Variants in ABCG5 observed in about 807,000 individuals in gnomAD.
ABCG5 encodes the protein ATP binding cassette subfamily G member 5.
In ABCG5, 64 loss-of-function variants were observed where a neutral mutation model predicts 64.5. The observed-to-expected ratio is 0.99, with a 90% CI of 0.81 to 1.22. The LOEUF is 1.22. ABCG5 is among the 50% of genes most tolerant of loss of function. ABCG5 has a pLI of 0.00. For missense variants in ABCG5, 908 were observed against 829.5 expected (o/e 1.09, Z -1.16); for synonymous variants, 385 against 326.3 (o/e 1.18, Z -1.94).
intron 2 of ABCG5, 120 bp from the exon 3 acceptor site, chr2:43,832,203 G>A: frequency 7.2e-7 from 1 of 1,383,030 alleles, no homozygotes; most frequent in Non-Finnish European, 1.0e-6. Flanking sequence ...GACGGACCCT[G>A]TTCTAGGTGT....
chr2:43,839,053 C>A, upstream of ABCG5: 1 of 1,550,994 alleles, frequency 6.4e-7, no homozygotes, highest in Non-Finnish European at 8.7e-7. Flanking sequence ...CTGTGGGCCC[C>A]ATGGCCGGGA....
rs570573150 is a variant in ABCG5, at chr2:43,819,179, G to A, written c.1649+736C>T. ...GAAACAGCCTTCATGTTTCCTTGGG[G>A]ACCCAGAGATTACTTACTAGATCCC... On this transcript the variant is annotated intron_variant, in intron 11 of 12. Transcript: ENST00000405322. Among the ~76,000 whole-genome samples the A allele has an allele frequency of 4.9e-4, 75 of 151,876 alleles. No individual in the cohort carries two copies. The South Asian group carries it at 0.015, about 30-fold the overall frequency.
At chr2:43,831,370 G>T (rs1244856532) in intron 4 of ABCG5, among the ~76,000 whole-genome samples, 1 of 151,958 alleles carries the variant, frequency 6.6e-6, no homozygotes, top group African/African-American at 2.4e-5. Flanking sequence ...ACTGAGTCTC[G>T]CTATGTTGCC....
At position 43,813,023 on chromosome 2, in the gene ABCG5, A is replaced by G; in HGVS notation, c.*93T>C. The G allele has an allele frequency of 1.4e-6, 1 of 731,436 alleles. No homozygotes were observed. The highest frequency in any genetic ancestry group is 2.5e-6 in the Non-Finnish European group (1 of 393,646). The allele number at this position is 731,436 out of a possible 1,614,324, so 45.3% of individuals were successfully genotyped here. On this transcript the variant is annotated 3_prime_UTR_variant, in exon 13 of 13. Transcript: ENST00000405322. Reference sequence around the variant, plus strand: ...GTTAAAAGACTTGAGATGTCCTGTCAAGAAAGAAATACATGGCACTCTCAT... The same window carrying G: ...GTTAAAAGACTTGAGATGTCCTGTCGAGAAAGAAATACATGGCACTCTCAT...
rs1300028450 is a variant in ABCG5, at chr2:43,824,693, A to C, written c.904+196T>G. The C allele has an allele frequency of 1.4e-5, 13 of 960,470 alleles. No individual in the cohort carries two copies. The Admixed American group carries it at 8.0e-4, about 59-fold the overall frequency. 59.5% of individuals were successfully genotyped at this position (960,470 alleles called of 1,614,324 possible). ...TAGTAGCAGTGCGCCAGTTTGTTTG[A>C]GAGAGATCCCTGACCTCATTCTGAT... is the stretch of plus-strand genomic sequence containing the variant. On this transcript the variant is annotated intron_variant, in intron 7 of 12. Coordinates refer to ENST00000405322, the MANE Select transcript of ABCG5 (RefSeq NM_022436.3).
rs952415971 is a variant in ABCG5 at position 43,838,295 on chromosome 2, G to A, written c.143+242C>T. ...AGGGCAGGCCGTAGACACTGGGTTG[G>A]CAGGGCACTGCTGCCACTTTGTTTA... is the stretch of plus-strand genomic sequence containing the variant. On this transcript the variant is annotated intron_variant, in intron 1 of 12. Transcript: ENST00000405322. This position sits in a 1 kb window ranked among gnomAD's most constrained non-coding sequence, Gnocchi z 4.2. The A allele has an allele frequency of 1.0e-5, 6 of 600,702 alleles. No individual in the cohort carries two copies. The highest frequency in any genetic ancestry group is 2.8e-5 in the East Asian group (1 of 35,808). 37.2% of individuals were successfully genotyped at this position (600,702 alleles called of 1,614,324 possible). A position where few individuals can be genotyped will look rare whatever the true frequency, so the allele number is the denominator to read the frequency against.
Position 43,824,257 on chromosome 2 carries a change from A to G in ABCG5, c.1080T>C (p.Asp360=), listed in dbSNP as rs1314423364. 1 of 1,614,222 alleles carries G rather than the reference A, an allele frequency of 6.2e-7. No individual in the cohort carries two copies. The highest frequency in any genetic ancestry group is 8.5e-7 in the Non-Finnish European group (1 of 1,180,044). The change falls in exon 8 of 13, where the codon GAT becomes GAC. Residue 360 remains aspartate (D), a synonymous_variant. Transcript: ENST00000405322. ...CCAGTTTAGAGAAAACTCCAGGAGA[A>G]TCTTTGGTTTTGAAAGGAACCATTG... ...TLPMVPFKTK[D]SPGVFSKLGV...
chr2:43,808,830 C>A (rs1666370286), downstream of ABCG5, among the ~76,000 whole-genome samples: 1 of 152,140 alleles, frequency 6.6e-6, no homozygotes, highest in South Asian at 2.1e-4. Flanking sequence ...TTAATCAGTC[C>A]TTACTGGGGG....
chr2:43,819,934 C>T lies in ABCG5; in HGVS notation c.1630G>A (p.Val544Ile). ...VALLSIAGVL[V>I]GSGFLRNIQE... The stretch of plus-strand genomic sequence containing the variant: ...TCTTACCTGAGGAATCCAGATCCAA[C>T]AAGCACCCCCGCAATGGACAGCAGA... Residue 544 changes from valine to isoleucine, a missense_variant, in exon 11 of 13, where the codon GTT becomes ATT. Physicochemically the swap from Val to Ile is conservative, Grantham distance 29. Coordinates refer to ENST00000405322, the MANE Select transcript of ABCG5 (RefSeq NM_022436.3). 6.2e-7 allele frequency: 1 copy of T among 1,614,170 alleles called. No homozygotes were observed. The highest frequency in any genetic ancestry group is 8.5e-7 in the Non-Finnish European group (1 of 1,180,042).
rs2104864932 is a variant in ABCG5 at position 43,831,928 on chromosome 2, G to T, written c.402+19C>A. 1.4e-5 allele frequency: 22 copies of T among 1,548,274 alleles called. No homozygotes were observed. Among genetic ancestry groups the T allele is most frequent in the Non-Finnish European group, 1.9e-5 (22 of 1,146,828 alleles). ...CCCGGGGCGGGCGGGGGGGCCAGGGGTGTGGGGGACGCGCCCACCTGCAGG... is the reference window on the plus strand; with the variant it reads ...CCCGGGGCGGGCGGGGGGGCCAGGGTTGTGGGGGACGCGCCCACCTGCAGG... On this transcript the variant is annotated intron_variant, in intron 3 of 12. Transcript: ENST00000405322.
intron 10 of ABCG5, among the ~76,000 whole-genome samples, chr2:43,820,860 G>T (rs1667148705): frequency 1.3e-5 from 2 of 151,960 alleles, no homozygotes; most frequent in South Asian, 4.2e-4. Flanking sequence ...TGCCATATTG[G>T]CCAGGCTGGT....
chr2:43,820,686 C>T (rs915122938), intron 10 of ABCG5, among the ~76,000 whole-genome samples: 1 of 152,216 alleles, frequency 6.6e-6, no homozygotes, highest in Non-Finnish European at 1.5e-5. Context: ...CGGAGTTGCA[C>T]TCTGTTGATC....
chr2:43,828,995 T>A (rs550748530), intron 4 of ABCG5, among the ~76,000 whole-genome samples: 2 of 149,336 alleles, frequency 1.3e-5, no homozygotes, highest in East Asian at 3.9e-4. Flanking sequence ...AATAAACAAA[T>A]AAAATAAAAT....
intron 2 of ABCG5, among the ~76,000 whole-genome samples, chr2:43,837,520 A>G (rs1184364747): frequency 2.6e-5 from 4 of 152,126 alleles, no homozygotes; most frequent in Non-Finnish European, 5.9e-5. Context: ...TGCTTATTTA[A>G]TCCTTTTCCT....
intron 10 of ABCG5, among the ~76,000 whole-genome samples, 189 bp from the exon 11 acceptor site, chr2:43,820,289 T>G (rs1667103665): frequency 6.6e-6 from 1 of 152,208 alleles, no homozygotes; most frequent in Non-Finnish European, 1.5e-5. Context: ...ATCAAATTGT[T>G]CCCATTGGCT....
chr2:43,833,471 C>G (rs1184808770), intron 2 of ABCG5, among the ~76,000 whole-genome samples: 1 of 151,660 alleles, frequency 6.6e-6, no homozygotes, highest in Non-Finnish European at 1.5e-5. Context: ...CAACCTCCAC[C>G]TCCCAGGTTC....
At chr2:43,825,295 G>A (rs532632648) in intron 6 of ABCG5, among the ~76,000 whole-genome samples, 1 of 152,266 alleles carries the variant, frequency 6.6e-6, no homozygotes, top group Admixed American at 6.5e-5. Context: ...TTCATATCTG[G>A]GATAGACAAG....
At chr2:43,809,662 G>A (rs1244129012), downstream of ABCG5, 2 of 1,471,766 alleles carry the variant, frequency 1.4e-6, no homozygotes, top group South Asian at 2.4e-5. Flanking sequence ...CCTTGAATTA[G>A]TAAAGTTGAT....
rs546356143 is a variant in ABCG5 at position 43,822,785 on chromosome 2, A to G, written c.1463+12T>C. 2 of 1,613,822 alleles carry G rather than the reference A, an allele frequency of 1.2e-6. No homozygotes were observed. The highest frequency in any genetic ancestry group is 1.3e-5 in the African/African-American group (1 of 74,868). ...GGGAGCCCGGCCCTGGGTGAACTGA[A>G]CAACCCCTCACCAGTAGCACACACT... On this transcript the variant is annotated intron_variant, in intron 10 of 12. Coordinates refer to ENST00000405322, the MANE Select transcript of ABCG5 (RefSeq NM_022436.3).
Sources: allele counts gnomAD v4.1 joint callset (sites outside exome capture counted in the v4.1 genomes callset), GRCh38; gene constraint gnomAD v4.1.1; non-coding constraint Gnocchi (gnomAD v3.1); transcripts MANE v1.5; gene names NCBI Gene and HGNC (gene_info 2026-07-23, HGNC 2026-07-21).